The following SEC16A variants were observed in gnomAD, a reference collection of about 807,000 sequenced individuals.
SEC16A encodes protein transport protein Sec16A.
In SEC16A, 110 loss-of-function variants were observed where a neutral mutation model predicts 221.9. The ratio of observed to expected loss-of-function variants is 0.50; its 90% CI spans 0.42 to 0.58. The LOEUF is 0.58. Ranked by LOEUF, SEC16A falls within the 20% of genes least tolerant of loss-of-function variation. SEC16A has a pLI of 0.00. For synonymous variants in SEC16A, 1,393 were observed against 1,257.7 expected (o/e 1.11, Z -2.28); for missense variants, 3,165 against 3,097.8 (o/e 1.02, Z -0.52).
In SEC16A at chr9:136,472,081, T is replaced by C; in HGVS notation, c.3598A>G (p.Arg1200Gly). ...GCAGACGCAGCACCATCATAGGGCC[T>C]GTATCGAGGCTCATAGAGGCTGTAG... ...DVYSLYEPRY[R>G]PYDGAASAYA... Residue 1200 changes from arginine to glycine, a missense_variant, in exon 4 of 32, where the codon AGG (arginine) becomes GGG (glycine). This residue lies in a region of SEC16A where 2,030 missense variants were observed against 1,923.1 expected (regional missense o/e 1.06). Transcript: ENST00000684901. 6.2e-7 allele frequency: 1 copy of C among 1,613,700 alleles called. No homozygotes were observed. The highest frequency in any genetic ancestry group is 8.5e-7 in the Non-Finnish European group (1 of 1,179,888).
chr9:136,464,844 G>A (rs552148166), intron 8 of SEC16A, among the ~76,000 whole-genome samples: 149 of 152,248 alleles, frequency 9.8e-4, no homozygotes, highest in African/African-American at 3.4e-3. Flanking sequence ...CTCCTGCCAC[G>A]GTGCGTAATC....
intron 24 of SEC16A, 78 bp downstream of exon 24, chr9:136,448,006 T>C (rs754941381): frequency 2.0e-5 from 31 of 1,516,602 alleles, no homozygotes; most frequent in Admixed American, 3.7e-5. Flanking sequence ...AGGAAACACC[T>C]ACTCAGGTCT....
intron 21 of SEC16A, 30 bp downstream of exon 21, chr9:136,454,079 G>C: frequency 1.3e-6 from 2 of 1,529,050 alleles, no homozygotes; most frequent in Non-Finnish European, 1.8e-6. Context: ...TGCTGCTTCT[G>C]CTCTCGAGAC....
rs1264188523 is a variant in SEC16A, at chr9:136,474,821, G to C, written c.2795C>G (p.Pro932Arg). The C allele has an allele frequency of 1.2e-6, 2 of 1,613,830 alleles. No homozygotes were observed. The highest frequency in any genetic ancestry group is 2.7e-5 in the African/African-American group (2 of 74,922). The change falls in exon 3 of 32, where the codon CCA becomes CGA. Residue 932 changes from proline to arginine, a missense_variant. By Grantham distance (103) the Pro-to-Arg change is moderately radical. Transcript: ENST00000684901. ...TTCTGGAACCAAGTTCTCTGGAACT[G>C]GCTGGGATGGTGGTTGAACCAGCAA... Reference protein sequence around the residue: ...ANLLVQPPSQPVPENLVPESQ... With the variant: ...ANLLVQPPSQRVPENLVPESQ...
chr9:136,445,844 C>T, intron 28 of SEC16A, 125 bp from the exon 29 acceptor site: 2 of 827,240 alleles, frequency 2.4e-6, no homozygotes, highest in Non-Finnish European at 3.9e-6. Context: ...TAAAGTGCTC[C>T]TCAGAGAGAA....
At chr9:136,457,363 C>T in intron 18 of SEC16A, 81 bp downstream of exon 18, 1 of 1,474,590 alleles carries the variant, frequency 6.8e-7, no homozygotes, top group South Asian at 1.3e-5. Flanking sequence ...ACCATCGCTA[C>T]CCCCATGCCC....
chr9:136,445,430 A>G (rs916133667), intron 29 of SEC16A, among the ~76,000 whole-genome samples: 3 of 152,164 alleles, frequency 2.0e-5, no homozygotes, highest in East Asian at 1.9e-4. Flanking sequence ...TGAGGCGACA[A>G]CTCAAACCCC....
In SEC16A at chr9:136,472,085, T is replaced by A; in HGVS notation, c.3594A>T (p.Arg1198=). The change falls in exon 4 of 32, where the codon CGA becomes CGT. Residue 1198 remains arginine (R), a synonymous_variant. Transcript: ENST00000684901. ...YQDVYSLYEP[R]YRPYDGAASA... ...ACGCAGCACCATCATAGGGCCTGTATCGAGGCTCATAGAGGCTGTAGACAT... is the reference window on the plus strand; with the variant it reads ...ACGCAGCACCATCATAGGGCCTGTAACGAGGCTCATAGAGGCTGTAGACAT... 1 of 1,613,680 alleles carries A rather than the reference T, an allele frequency of 6.2e-7. No homozygotes were observed. Among genetic ancestry groups the A allele is most frequent in the South Asian group, 1.1e-5 (1 of 91,074 alleles).
intron 23 of SEC16A, among the ~76,000 whole-genome samples, chr9:136,450,301 G>A (rs941769218): frequency 3.3e-5 from 5 of 152,070 alleles, no homozygotes; most frequent in East Asian, 1.9e-4. Flanking sequence ...CCTAACAGAG[G>A]ACTTATATCC....
intron 3 of SEC16A, among the ~76,000 whole-genome samples, chr9:136,472,800 G>A (rs1297087784): frequency 2.6e-5 from 4 of 152,238 alleles, no homozygotes; most frequent in Non-Finnish European, 4.4e-5. Flanking sequence ...GCCGCTGCCT[G>A]GCAGGAAATG....
chr9:136,453,659 C>A, intron 21 of SEC16A, 149 bp from the exon 22 acceptor site: 1 of 651,460 alleles, frequency 1.5e-6, no homozygotes, highest in Non-Finnish European at 2.7e-6. Flanking sequence ...CATCTTCCCA[C>A]ATGTGTGCAC....
At position 136,441,812 on chromosome 9, in the gene SEC16A, G is replaced by A. The variant is rs1257255780; in HGVS notation, c.7017C>T (p.Thr2339=). 4 of 1,613,066 alleles carry A rather than the reference G, an allele frequency of 2.5e-6. No homozygotes were observed. In the South Asian group the frequency reaches 3.3e-5, roughly 13 times the overall value. ...NPAQLAQACA[T]SGSSRLGRIG... ...TCCTCCCTAGCCTTGAGCTCCCGGA[G>A]GTGGCGCAGGCCTGGAATGAAATCA... The change falls in exon 32 of 32, where the codon ACC becomes ACT. Residue 2339 remains threonine (T), a synonymous_variant. Transcript: ENST00000684901.
chr9:136,466,526 C>A lies in SEC16A; in HGVS notation c.3930-64G>T. On this transcript the variant is annotated intron_variant, in intron 6 of 31. Coordinates refer to ENST00000684901, the MANE Select transcript of SEC16A (RefSeq NM_014866.2). This position sits in a 1 kb window ranked among gnomAD's most constrained non-coding sequence, Gnocchi z 5.5. ...TGCCGGAGGCCCCGTCCCCATGTGC[C>A]ACGCAGCTGCCCAGGAGCTGAGACC... 6.9e-7 allele frequency: 1 copy of A among 1,459,854 alleles called. No homozygotes were observed. Among genetic ancestry groups the A allele is most frequent in the South Asian group, 1.3e-5 (1 of 74,582 alleles). The allele number at this position is 1,459,854 out of a possible 1,614,324, so 90.4% of individuals were successfully genotyped here.
chr9:136,447,291 A>G lies in SEC16A; in HGVS notation c.6633T>C (p.Pro2211=). Residue 2211 remains proline (P), a synonymous_variant, in exon 27 of 32, where the codon CCT becomes CCC. Transcript: ENST00000684901. This position sits in a 1 kb window ranked among gnomAD's most constrained non-coding sequence, Gnocchi z 5.5. ...GTQRSEPALA[P]ADFVAPLAPL... ...GCGCGAGTGGAGCGACAAAGTCCGC[A>G]GGAGCGAGAGCCGGCTCGCTCCGCT... 6.3e-7 allele frequency: 1 copy of G among 1,597,806 alleles called. No homozygotes were observed. Among genetic ancestry groups the G allele is most frequent in the Non-Finnish European group, 8.5e-7 (1 of 1,172,654 alleles).
chr9:136,456,372 CCCA>C (rs1364786590), intron 18 of SEC16A, among the ~76,000 whole-genome samples: 2 of 152,216 alleles, frequency 1.3e-5, no homozygotes, highest in African/African-American at 4.8e-5. Context: ...GACCTCTTGG[CCCA>C]CGGGCACTGG....
chr9:136,449,739 C>T (rs1007403685), intron 23 of SEC16A, among the ~76,000 whole-genome samples: 4 of 152,182 alleles, frequency 2.6e-5, no homozygotes, highest in African/African-American at 7.2e-5. Context: ...CAAGCTGTCC[C>T]GGGGAGGCCT....
rs1838075816 is a variant in SEC16A at position 136,453,035 on chromosome 9, A to C, written c.6159+393T>G. 1.3e-5 allele frequency among the ~76,000 whole-genome samples: 2 copies of C among 149,800 alleles called. 1 individual carries two copies. The highest frequency in any genetic ancestry group is 4.2e-4 in the South Asian group (2 of 4,750). On this transcript the variant is annotated intron_variant, in intron 22 of 31. Transcript: ENST00000684901. ...CAGTGAGCCGAGATCGCACCACTGC[A>C]CTCAAGCCTGGGCGACAGAGCAAGA... is the stretch of plus-strand genomic sequence containing the variant.
intron 17 of SEC16A, among the ~76,000 whole-genome samples, chr9:136,458,357 G>A (rs907854190): frequency 2.0e-5 from 3 of 152,094 alleles, no homozygotes; most frequent in South Asian, 2.1e-4. Context: ...GGCTGGGCGC[G>A]GTGGCTCACG....
intron 31 of SEC16A, among the ~76,000 whole-genome samples, chr9:136,442,303 C>A (rs979294474): frequency 6.6e-6 from 1 of 152,248 alleles, no homozygotes; most frequent in African/African-American, 2.4e-5. Context: ...GGGAGCAGGA[C>A]AATACCAAAA....
Sources: allele counts gnomAD v4.1 joint callset (sites outside exome capture counted in the v4.1 genomes callset), GRCh38; gene constraint gnomAD v4.1.1; regional missense constraint gnomAD v4.1.1; non-coding constraint Gnocchi (gnomAD v3.1); transcripts MANE v1.5; gene names NCBI Gene and HGNC (gene_info 2026-07-23, HGNC 2026-07-21).